LUZP2: variants seen among roughly 807,000 people sequenced by gnomAD.
LUZP2 encodes leucine zipper protein 2.
LUZP2 carries 52 observed loss-of-function variants against 51.6 expected under a neutral mutation model. That is an observed-to-expected ratio of 1.01 (90% CI 0.81 to 1.27). The LOEUF (loss-of-function observed/expected upper bound fraction) is 1.27. Among genes scored for constraint, LUZP2 ranks in the 50% most tolerant of loss-of-function variants. LUZP2 has a pLI of 0.00. For missense variants in LUZP2, 436 were observed against 395.4 expected (o/e 1.10, Z -0.87); for synonymous variants, 154 against 137.3 (o/e 1.12, Z -0.85).
chr11:24,858,999 C>A (rs935620989), intron 5 of LUZP2, among the ~76,000 whole-genome samples: 4 of 152,120 alleles, frequency 2.6e-5, no homozygotes, highest in Non-Finnish European at 5.9e-5. Context: ...ATTGTATCTA[C>A]CTCCACTCCA....
chr11:24,702,998 G>C (rs1451065650), intron 1 of LUZP2, among the ~76,000 whole-genome samples: 2 of 152,162 alleles, frequency 1.3e-5, no homozygotes, highest in Non-Finnish European at 2.9e-5. Flanking sequence ...ACTAAAACAT[G>C]GAATCTGTGT....
intron 5 of LUZP2, chr11:24,891,356 A>G (rs556704488): frequency 4.1e-5 from 37 of 911,752 alleles, no homozygotes; most frequent in Non-Finnish European, 4.7e-5. Context: ...TGACATGTAC[A>G]TATACACATA....
chr11:24,518,449 GTT>G (rs1850546003), intron 1 of LUZP2, among the ~76,000 whole-genome samples: 1 of 152,036 alleles, frequency 6.6e-6, no homozygotes, highest in East Asian at 1.9e-4. Context: ...ATTTGAGGGT[GTT>G]TTATCCTTTC....
chr11:24,587,053 A>G (rs1316501675), intron 1 of LUZP2, among the ~76,000 whole-genome samples: 2 of 152,148 alleles, frequency 1.3e-5, no homozygotes, highest in African/African-American at 4.8e-5. Flanking sequence ...TAACACAAAC[A>G]ATTTTTATTA....
At position 24,976,680 on chromosome 11, in the gene LUZP2, A is replaced by G. The variant is rs754638916; in HGVS notation, c.597+15A>G. ...CTCTTGACAGGGTAAGTCTACATTC[A>G]TGAACCATTACAACTGTAGTTTTAG... On this transcript the variant is annotated intron_variant, in intron 8 of 11. Transcript: ENST00000336930. 8 of 1,282,144 alleles carry G rather than the reference A, an allele frequency of 6.2e-6. No homozygotes were observed. Among genetic ancestry groups the G allele is most frequent in the Non-Finnish European group, 8.5e-6 (8 of 938,168 alleles). The allele number at this position is 1,282,144 out of a possible 1,614,324, so 79.4% of individuals were successfully genotyped here. A position where few individuals can be genotyped will look rare whatever the true frequency, so the allele number is the denominator to read the frequency against.
intron 9 of LUZP2, among the ~76,000 whole-genome samples, chr11:24,992,591 G>C (rs1287960737): frequency 1.3e-5 from 2 of 152,204 alleles, no homozygotes; most frequent in East Asian, 3.9e-4. Flanking sequence ...ATTAATATTT[G>C]TTGAATGAAT....
chr11:24,736,252 T>C (rs1858932546), intron 3 of LUZP2, among the ~76,000 whole-genome samples: 1 of 152,006 alleles, frequency 6.6e-6, no homozygotes. Context: ...TATTCATACA[T>C]ACTCATTGTC....
At chr11:24,938,359 G>A (rs1051601671) in intron 7 of LUZP2, among the ~76,000 whole-genome samples, 1 of 152,124 alleles carries the variant, frequency 6.6e-6, no homozygotes, top group Non-Finnish European at 1.5e-5. Context: ...ATCTGAAAGA[G>A]TACATTGTCC....
chr11:24,939,408 G>A (rs1242124517), intron 7 of LUZP2, among the ~76,000 whole-genome samples: 1 of 152,020 alleles, frequency 6.6e-6, no homozygotes, highest in African/African-American at 2.4e-5. Context: ...ACCACTCTCG[G>A]GGGAAGGGAT....
chr11:24,883,071 T>C (rs950732486), intron 5 of LUZP2, among the ~76,000 whole-genome samples: 1 of 151,790 alleles, frequency 6.6e-6, no homozygotes, highest in Non-Finnish European at 1.5e-5. Context: ...GGAAAATATC[T>C]CAAGGATGAT....
chr11:24,774,360 C>CTATA (rs1485638353), intron 5 of LUZP2, among the ~76,000 whole-genome samples: 13 of 76,172 alleles, frequency 1.7e-4, no homozygotes, highest in African/African-American at 5.6e-4. Flanking sequence ...CTCTCTCTCT[C>CTATA]TCTATATATA....
intron 9 of LUZP2, among the ~76,000 whole-genome samples, chr11:25,027,956 G>T (rs1035828410): frequency 1.3e-5 from 2 of 151,928 alleles, no homozygotes; most frequent in African/African-American, 4.8e-5. Flanking sequence ...CCAGTTCGGA[G>T]TTCAAATCTA....
At chr11:25,075,033 C>T (rs1859260642) in intron 10 of LUZP2, among the ~76,000 whole-genome samples, 1 of 152,072 alleles carries the variant, frequency 6.6e-6, no homozygotes, top group South Asian at 2.1e-4. Context: ...TGATTTCTTA[C>T]AATTAGTTAA....
At chr11:24,929,180 T>C (rs1293528924) in intron 7 of LUZP2, among the ~76,000 whole-genome samples, 1 of 152,000 alleles carries the variant, frequency 6.6e-6, no homozygotes, top group Non-Finnish European at 1.5e-5. Context: ...AAAATCAGCT[T>C]TTTGCTTATC....
intron 5 of LUZP2, among the ~76,000 whole-genome samples, chr11:24,871,474 T>C (rs980840203): frequency 6.6e-6 from 1 of 152,116 alleles, no homozygotes; most frequent in African/African-American, 2.4e-5. Context: ...CATTTTGCTG[T>C]AAACTTGAAT....
At chr11:24,998,524 G>A (rs189379368) in intron 9 of LUZP2, among the ~76,000 whole-genome samples, 19 of 152,266 alleles carry the variant, frequency 1.2e-4, no homozygotes, top group Admixed American at 7.9e-4. Flanking sequence ...TTTTGGGTGA[G>A]ACAATGGGGT....
At chr11:25,040,852 A>T (rs1446209) in intron 9 of LUZP2, among the ~76,000 whole-genome samples, 72,872 of 152,038 alleles carry the variant, frequency 0.48, 17,932 homozygotes, top group East Asian at 0.81. Flanking sequence ...ATTCATCTGC[A>T]TGATCCTTAC....
At chr11:24,922,969 C>T (rs1367705061) in intron 7 of LUZP2, among the ~76,000 whole-genome samples, 1 of 150,704 alleles carries the variant, frequency 6.6e-6, no homozygotes, top group African/African-American at 2.4e-5. Context: ...CTGCCTCAGC[C>T]TCCTGAGTAG....
At chr11:25,056,042 C>T (rs1269132454) in intron 10 of LUZP2, among the ~76,000 whole-genome samples, 1 of 152,052 alleles carries the variant, frequency 6.6e-6, no homozygotes, top group Non-Finnish European at 1.5e-5. Context: ...GAATTATATA[C>T]TTTAATTAAT....
Sources: gnomAD v4.1 joint callset for allele counts (sites outside exome capture counted in the v4.1 genomes callset) on GRCh38, gnomAD v4.1.1 for gene constraint, MANE v1.5 for transcripts, NCBI Gene and HGNC (gene_info 2026-07-23, HGNC 2026-07-21) for gene names.